GABRB3: variants seen among roughly 807,000 people sequenced by gnomAD.
GABRB3 encodes gamma-aminobutyric acid receptor subunit beta-3.
A neutral mutation model predicts 52.1 loss-of-function variants in GABRB3; 14 were observed. The observed-to-expected ratio is 0.27, with a 90% CI of 0.18 to 0.42. The LOEUF (loss-of-function observed/expected upper bound fraction) is 0.42. Among genes scored for constraint, GABRB3 ranks in the 10% least tolerant of loss-of-function variants. GABRB3 has a pLI of 1.00. For synonymous variants in GABRB3, 260 were observed against 232.3 expected, an observed-to-expected ratio of 1.12 and a Z score of -1.08; for missense variants, 307 against 609.1, an observed-to-expected ratio of 0.50 and a Z score of 5.22.
chr15:26,562,778 CT>C (rs1315539970), intron 7 of GABRB3, among the ~76,000 whole-genome samples: 2 of 152,180 alleles, frequency 1.3e-5, no homozygotes, highest in African/African-American at 4.8e-5. Context: ...AACACAAGCG[CT>C]CCCTCCACTG....
chr15:26,586,241 C>T (rs1402449563), intron 4 of GABRB3, among the ~76,000 whole-genome samples: 1 of 152,100 alleles, frequency 6.6e-6, no homozygotes, highest in Non-Finnish European at 1.5e-5. Flanking sequence ...CCCCGATCCA[C>T]CCGCCTTGGT....
intron 3 of GABRB3, among the ~76,000 whole-genome samples, chr15:26,755,574 G>C (rs1890638584): frequency 6.6e-6 from 1 of 152,084 alleles, no homozygotes; most frequent in Admixed American, 6.6e-5. Flanking sequence ...AATATCTGGG[G>C]ATTTAACTCA....
At chr15:26,741,827 C>G (rs1890216276) in intron 3 of GABRB3, among the ~76,000 whole-genome samples, 1 of 152,150 alleles carries the variant, frequency 6.6e-6, no homozygotes, top group Admixed American at 6.5e-5. Flanking sequence ...CCTGGCTGGT[C>G]TCAAACTCCT....
At chr15:26,705,987 C>A (rs751176731) in intron 3 of GABRB3, among the ~76,000 whole-genome samples, 1 of 152,204 alleles carries the variant, frequency 6.6e-6, no homozygotes, top group Non-Finnish European at 1.5e-5. Context: ...GAAGCCCCAA[C>A]CTCAGCCTCA....
chr15:26,753,851 C>T (rs1690881958), intron 3 of GABRB3, among the ~76,000 whole-genome samples: 2 of 152,102 alleles, frequency 1.3e-5, no homozygotes, highest in South Asian at 4.1e-4. Context: ...GGGCAGGCTA[C>T]AGGTAAACCA....
Position 26,772,999 on chromosome 15 carries a change from C to G in GABRB3, c.-37G>C. ...GCCCCGGCACGGGGGAGGGGGCGCC[C>G]CGCCGCCGTCGCGACCCGCAGCCGG... On this transcript the variant is annotated 5_prime_UTR_variant, in exon 1 of 9. Coordinates refer to ENST00000311550, the MANE Select transcript of GABRB3 (RefSeq NM_000814.6). 1 of 1,330,880 alleles carries G rather than the reference C, an allele frequency of 7.5e-7. No homozygotes were observed. The allele number at this position is 1,330,880 out of a possible 1,614,324, so 82.4% of individuals were successfully genotyped here.
chr15:26,624,530 G>A (rs1226829252), intron 3 of GABRB3: 25 of 985,322 alleles, frequency 2.5e-5, no homozygotes, highest in South Asian at 9.4e-5. Context: ...CGGGCTCCGC[G>A]TCTTATTTTG....
intron 3 of GABRB3, among the ~76,000 whole-genome samples, chr15:26,709,301 C>T (rs1889208248): frequency 6.6e-6 from 1 of 151,774 alleles, no homozygotes. Context: ...AGTGAGTTCT[C>T]ACTCTATTTG....
chr15:26,719,600 G>GT (rs1162702649), intron 3 of GABRB3, among the ~76,000 whole-genome samples: 1 of 152,162 alleles, frequency 6.6e-6, no homozygotes, highest in Non-Finnish European at 1.5e-5. Flanking sequence ...CAAGCACAGT[G>GT]TTTTAAAATG....
intron 3 of GABRB3, among the ~76,000 whole-genome samples, chr15:26,719,786 T>C (rs1394270719): frequency 2.6e-5 from 4 of 152,152 alleles, no homozygotes; most frequent in Non-Finnish European, 4.4e-5. Context: ...AAGAGAAAGA[T>C]GAGAAACAGT....
In GABRB3 at chr15:26,552,278, A is replaced by G. The variant is rs373680332; in HGVS notation, c.1081-4144T>C. ...CGCCTCGGCCTCCCAAAGTGCTGGG[A>G]TTACAAGTGTGAGCCACCACACCCA... On this transcript the variant is annotated intron_variant, in intron 8 of 8. Transcript: ENST00000311550. Among the ~76,000 whole-genome samples, 55 of 152,306 alleles carry G rather than the reference A, an allele frequency of 3.6e-4. No individual in the cohort carries two copies. In the East Asian group the frequency reaches 7.7e-3, roughly 21 times the overall value.
intron 3 of GABRB3, among the ~76,000 whole-genome samples, chr15:26,761,336 A>G (rs1890816398): frequency 6.6e-6 from 1 of 151,980 alleles, no homozygotes; most frequent in African/African-American, 2.4e-5. Flanking sequence ...CTGAGGTTGC[A>G]GTGAGTCAAG....
intron 8 of GABRB3, among the ~76,000 whole-genome samples, chr15:26,558,685 C>T (rs1889849340): frequency 6.6e-6 from 1 of 152,018 alleles, no homozygotes; most frequent in Non-Finnish European, 1.5e-5. Flanking sequence ...GGTGGATCAT[C>T]TGAGGTCAGG....
At chr15:26,738,048 G>A (rs1279563695) in intron 3 of GABRB3, among the ~76,000 whole-genome samples, 8 of 151,876 alleles carry the variant, frequency 5.3e-5, no homozygotes, top group Non-Finnish European at 1.2e-4. Context: ...AAGAGTCTTC[G>A]GCTTATGTTT....
intron 3 of GABRB3, among the ~76,000 whole-genome samples, chr15:26,734,038 T>C (rs1010931693): frequency 2.7e-5 from 4 of 148,158 alleles, no homozygotes; most frequent in African/African-American, 1.0e-4. Context: ...TTTTTTTTTT[T>C]TTTTTTTTGA....
intron 3 of GABRB3, among the ~76,000 whole-genome samples, chr15:26,638,420 T>G (rs1893111884): frequency 6.6e-6 from 1 of 152,160 alleles, no homozygotes; most frequent in African/African-American, 2.4e-5. Flanking sequence ...TTAGATTACC[T>G]CAGTTGAGCC....
rs1889133239 is a variant in GABRB3 at position 26,544,127 on chromosome 15, C to T, written c.*3666G>A. ...GTTCAGTTTTGCTTACATAAAATGG[C>T]CAGAAATATGAACTGGTTTTCAGGT... On this transcript the variant is annotated 3_prime_UTR_variant, in exon 9 of 9. Coordinates refer to ENST00000311550, the MANE Select transcript of GABRB3 (RefSeq NM_000814.6). 1 of 152,312 alleles carries T rather than the reference C, an allele frequency of 6.6e-6. No individual in the cohort carries two copies. The highest frequency in any genetic ancestry group is 2.1e-4 in the South Asian group (1 of 4,814). The allele number at this position is 152,312 out of a possible 1,614,324, so 9.4% of individuals were successfully genotyped here.
intron 4 of GABRB3, among the ~76,000 whole-genome samples, chr15:26,583,762 ATGTAT>A (rs1337436893): frequency 6.6e-6 from 1 of 150,720 alleles, no homozygotes; most frequent in Non-Finnish European, 1.5e-5. Flanking sequence ...TAATTAACAA[ATGTAT>A]TGTATCACCT....
intron 3 of GABRB3, among the ~76,000 whole-genome samples, chr15:26,703,775 T>C (rs1013114451): frequency 1.3e-5 from 2 of 152,168 alleles, no homozygotes; most frequent in Admixed American, 6.5e-5. Context: ...GGGGCAAGCA[T>C]TACATCTTAA....
Sources: gnomAD v4.1 joint callset for allele counts (sites outside exome capture counted in the v4.1 genomes callset) on GRCh38, gnomAD v4.1.1 for gene constraint, MANE v1.5 for transcripts, NCBI Gene and HGNC (gene_info 2026-07-23, HGNC 2026-07-21) for gene names.